The following LAMA4 variants were observed in gnomAD, a reference collection of about 807,000 sequenced individuals.
The protein encoded by LAMA4 is laminin subunit alpha-4.
LAMA4 carries 127 observed loss-of-function variants against 207.1 expected under a neutral mutation model. The ratio of observed to expected loss-of-function variants is 0.61; its 90% CI spans 0.53 to 0.71. The LOEUF (loss-of-function observed/expected upper bound fraction) is 0.71. LAMA4 is among the 30% of genes least tolerant of loss of function. The probability of loss-of-function intolerance (pLI) is 0.00; values close to 1 mark genes in which losing one functional copy is unlikely to be tolerated. For missense variants in LAMA4, 2,093 were observed against 2,246.5 expected, an observed-to-expected ratio of 0.93 and a Z score of 1.38; for synonymous variants, 761 against 816.0, an observed-to-expected ratio of 0.93 and a Z score of 1.15.
intron 3 of LAMA4, among the ~76,000 whole-genome samples, chr6:112,210,932 A>G (rs1377661324): frequency 4.6e-5 from 7 of 152,200 alleles, no homozygotes; most frequent in African/African-American, 1.7e-4. Flanking sequence ...TTAAATTTCA[A>G]ATGCCGTAAA....
At chr6:112,203,104 C>A (rs186450469) in intron 4 of LAMA4, among the ~76,000 whole-genome samples, 160 of 152,284 alleles carry the variant, frequency 1.1e-3, no homozygotes, top group Non-Finnish European at 1.5e-3. Flanking sequence ...GCAGGGCCAG[C>A]CCTCAAGGGT....
intron 16 of LAMA4, 179 bp downstream of exon 16, chr6:112,154,672 A>T: frequency 6.5e-6 from 4 of 615,268 alleles, no homozygotes; most frequent in Middle Eastern, 2.7e-4. Flanking sequence ...TTTTTCAATC[A>T]CAATTTAAAG....
At chr6:112,245,450 A>C (rs1428934727) in intron 2 of LAMA4, among the ~76,000 whole-genome samples, 1 of 152,106 alleles carries the variant, frequency 6.6e-6, no homozygotes, top group African/African-American at 2.4e-5. Context: ...GTTGCATTTC[A>C]CTTTGTACAT....
rs782400784 is a variant in LAMA4 at position 112,117,793 on chromosome 6, C to T, written c.4927G>A (p.Gly1643Ser). The change falls in exon 35 of 39, where the codon GGC becomes AGC. Residue 1643 changes from glycine to serine, a missense_variant. Gly to Ser is a moderately conservative substitution (Grantham distance 56, BLOSUM62 0). Coordinates refer to ENST00000230538, the MANE Select transcript of LAMA4 (RefSeq NM_001105206.3). The surrounding 1 kb of genome is among the most constrained non-coding windows in gnomAD (Gnocchi z 4.5). ...AAGTAAGTTCCTGTTTCCATGGGGC[C>T]TTCAAAGCAAGGGGTCACACTGAAT... ...QTFSVTPCFE[G>S]PMETGTYFST... The T allele has an allele frequency of 2.5e-6, 4 of 1,613,804 alleles. No individual in the cohort carries two copies. The highest frequency in any genetic ancestry group is 3.4e-6 in the Non-Finnish European group (4 of 1,179,806).
At chr6:112,212,226 A>ATT (rs11343230) in intron 3 of LAMA4, among the ~76,000 whole-genome samples, 20 of 143,604 alleles carry the variant, frequency 1.4e-4, no homozygotes, top group African/African-American at 3.9e-4. Flanking sequence ...AGTTTCTGTC[A>ATT]TTTTTTTTTT....
intron 14 of LAMA4, 102 bp downstream of exon 14, chr6:112,158,630 A>G: frequency 8.3e-7 from 1 of 1,208,634 alleles, no homozygotes; most frequent in Non-Finnish European, 1.2e-6. Flanking sequence ...ACCTTAATCA[A>G]CCTGGTAAAA....
chr6:112,168,512 A>C (rs1355883631), intron 12 of LAMA4, among the ~76,000 whole-genome samples: 1 of 151,596 alleles, frequency 6.6e-6, no homozygotes, highest in East Asian at 2.0e-4. Flanking sequence ...TGCCCAGCTA[A>C]TTTTTGTATT....
intron 2 of LAMA4, among the ~76,000 whole-genome samples, chr6:112,249,709 G>A (rs1787291197): frequency 6.6e-6 from 1 of 152,140 alleles, no homozygotes; most frequent in Admixed American, 6.5e-5. Context: ...CTCATGGGAA[G>A]TGTTTACATC....
At chr6:112,203,846 A>G (rs1200492987) in intron 4 of LAMA4, among the ~76,000 whole-genome samples, 1 of 152,168 alleles carries the variant, frequency 6.6e-6, no homozygotes, top group Non-Finnish European at 1.5e-5. Flanking sequence ...TAGAGACTTG[A>G]GTTTTCGTGT....
chr6:112,114,176 C>T lies in LAMA4; in HGVS notation c.5226G>A (p.Val1742=). Residue 1742 remains valine (V), a synonymous_variant, in exon 38 of 39, where the codon GTG becomes GTA. Transcript: ENST00000230538. The part of the protein sequence containing the change: ...HRITVIRDSN[V]VQLDVDSEVN... ...CTTCAGAGTCCACATCCAACTGAAC[C>T]ACATTAGAATCTCTAATAACTGAAA... 6.2e-7 allele frequency: 1 copy of T among 1,613,878 alleles called. No individual in the cohort carries two copies. Among genetic ancestry groups the T allele is most frequent in the Non-Finnish European group, 8.5e-7 (1 of 1,179,818 alleles).
At chr6:112,144,148 A>G (rs1554333951) in intron 19 of LAMA4, among the ~76,000 whole-genome samples, 1 of 152,222 alleles carries the variant, frequency 6.6e-6, no homozygotes, top group Non-Finnish European at 1.5e-5. Flanking sequence ...ACTTTGCCAC[A>G]TTGAAAAGTA....
intron 8 of LAMA4, among the ~76,000 whole-genome samples, chr6:112,185,981 G>C (rs1345504330): frequency 6.6e-6 from 1 of 152,174 alleles, no homozygotes; most frequent in African/African-American, 2.4e-5. Context: ...CTCCCCTGGG[G>C]GGTAGTGTCT....
intron 2 of LAMA4, among the ~76,000 whole-genome samples, chr6:112,221,719 G>C (rs537878238): frequency 6.2e-4 from 95 of 152,166 alleles, no homozygotes; most frequent in African/African-American, 2.3e-3. Context: ...CTAAAACTGT[G>C]TGCCCTTACT....
rs1310393912 is a variant in LAMA4, at chr6:112,127,516, A to C, written c.4287+1406T>G. Reference sequence around the variant, plus strand: ...TAGTTGGGAGGCCAGTATGGGGAGAAGAGTGAGGGAGGTGGGCAAGTAGGA... The same window carrying C: ...TAGTTGGGAGGCCAGTATGGGGAGACGAGTGAGGGAGGTGGGCAAGTAGGA... On this transcript the variant is annotated intron_variant, in intron 31 of 38. Coordinates refer to ENST00000230538, the MANE Select transcript of LAMA4 (RefSeq NM_001105206.3). Among the ~76,000 whole-genome samples the C allele has an allele frequency of 2.6e-5, 4 of 152,028 alleles. No homozygotes were observed. In the East Asian group the frequency reaches 7.7e-4, roughly 29 times the overall value.
chr6:112,193,297 G>A (rs1297921658), intron 5 of LAMA4, among the ~76,000 whole-genome samples: 1 of 152,100 alleles, frequency 6.6e-6, no homozygotes, highest in African/African-American at 2.4e-5. Flanking sequence ...CAGAGGGATG[G>A]GGTGGGGTAT....
At chr6:112,225,210 T>C (rs1554362023) in intron 2 of LAMA4, among the ~76,000 whole-genome samples, 2 of 152,186 alleles carry the variant, frequency 1.3e-5, no homozygotes, top group African/African-American at 4.8e-5. Context: ...TGTTTCTAAG[T>C]GCTTGTTAGA....
Position 112,133,378 on chromosome 6 carries a change from C to A in LAMA4, c.3667G>T (p.Val1223Phe), listed in dbSNP as rs781868927. 3.7e-6 allele frequency: 6 copies of A among 1,613,674 alleles called. No individual in the cohort carries two copies. The highest frequency in any genetic ancestry group is 5.1e-6 in the Non-Finnish European group (6 of 1,179,734). ...NLLEQTETLG[V>F]GYGCPEDSLI... ...GAGTCTTCTGGGCATCCATAACCAA[C>A]TCCCAGGGTTTCTGTCTGCTCCAGT... Residue 1223 changes from valine to phenylalanine, a missense_variant, in exon 27 of 39, where the codon GTT (valine) becomes TTT (phenylalanine). Val to Phe is a conservative substitution (Grantham distance 50). Coordinates refer to ENST00000230538, the MANE Select transcript of LAMA4 (RefSeq NM_001105206.3).
intron 14 of LAMA4, chr6:112,158,286 C>G (rs560897743): frequency 6.5e-5 from 12 of 185,304 alleles, no homozygotes; most frequent in African/African-American, 2.6e-4. Flanking sequence ...ACCAGTTTTA[C>G]TTAAGACACT....
chr6:112,224,138 G>A (rs782298356), intron 2 of LAMA4, among the ~76,000 whole-genome samples: 12 of 152,172 alleles, frequency 7.9e-5, no homozygotes, highest in Admixed American at 2.0e-4. Flanking sequence ...CAGGGATGAG[G>A]GGAGGCAAAG....
Sources: allele counts gnomAD v4.1 joint callset (sites outside exome capture counted in the v4.1 genomes callset), GRCh38; gene constraint gnomAD v4.1.1; non-coding constraint Gnocchi (gnomAD v3.1); transcripts MANE v1.5; gene names NCBI Gene and HGNC (gene_info 2026-07-23, HGNC 2026-07-21).